CBFB: variants seen among roughly 807,000 people sequenced by gnomAD.
CBFB encodes the protein core-binding factor subunit beta, also known as CBF-beta.
A neutral mutation model predicts 30.4 loss-of-function variants in CBFB; 9 were observed. The observed-to-expected ratio is 0.30, with a 90% CI of 0.18 to 0.52. The LOEUF is 0.52. CBFB is among the 20% of genes least tolerant of loss of function. The pLI, the probability that CBFB is intolerant of heterozygous loss-of-function variation, is 0.97. For missense variants in CBFB, 170 were observed against 244.0 expected (o/e 0.70, Z 2.02); for synonymous variants, 94 against 84.0 (o/e 1.12, Z -0.65).
At chr16:67,034,487 A>G (rs929890145) in intron 2 of CBFB, among the ~76,000 whole-genome samples, 8 of 152,170 alleles carry the variant, frequency 5.3e-5, no homozygotes, top group Non-Finnish European at 1.0e-4. Flanking sequence ...ACTCTTACCT[A>G]TATGTAGGTA....
At chr16:67,036,972 C>T (rs1966449935) in intron 3 of CBFB, among the ~76,000 whole-genome samples, 2 of 151,840 alleles carry the variant, frequency 1.3e-5, no homozygotes, top group African/African-American at 4.8e-5. Context: ...GATGTTGGTT[C>T]ACTGCAATCT....
rs1962193063 is a variant in CBFB at position 67,100,621 on chromosome 16, T to C, written c.*1843T>C. On this transcript the variant is annotated 3_prime_UTR_variant, in exon 6 of 6. Transcript: ENST00000412916. The stretch of plus-strand genomic sequence containing the variant: ...CTTTATTACAGAGCTCCTTGGTTTT[T>C]TACTTCTGCACTTAAATTTTTTTAA... 1 of 223,726 alleles carries C rather than the reference T, an allele frequency of 4.5e-6. No individual in the cohort carries two copies. The highest frequency in any genetic ancestry group is 2.2e-5 in the African/African-American group (1 of 44,798). The allele number at this position is 223,726 out of a possible 1,614,324, so 13.9% of individuals were successfully genotyped here. A position where few individuals can be genotyped will look rare whatever the true frequency, so the allele number is the denominator to read the frequency against.
intron 3 of CBFB, among the ~76,000 whole-genome samples, chr16:67,060,363 C>T (rs576813163): frequency 7.9e-5 from 12 of 152,198 alleles, no homozygotes; most frequent in African/African-American, 2.4e-4. Flanking sequence ...TTAGTACATT[C>T]GGAGTTCTGC....
intron 5 of CBFB, among the ~76,000 whole-genome samples, chr16:67,095,540 C>G (rs947667530): frequency 6.6e-6 from 1 of 152,004 alleles, no homozygotes. Context: ...AATGGAGTTG[C>G]AGTTATCTAA....
chr16:67,064,886 T>G (rs956849012), intron 3 of CBFB, among the ~76,000 whole-genome samples: 4 of 152,080 alleles, frequency 2.6e-5, no homozygotes, highest in Admixed American at 6.6e-5. Flanking sequence ...AAACAGAAGT[T>G]TTCTTTTTTT....
rs36017652 is a variant in CBFB at position 67,082,129 on chromosome 16, GAAAAAA to G, written c.400-73_400-68del. ...CCACTGCGCCCGGCCACTGTTTCAG[GAAAAAA>G]AAAAAAAAAACAAAACCCAAATATT... On this transcript the variant is annotated intron_variant, in intron 4 of 5. Transcript: ENST00000412916. 3 of 864,586 alleles carry G rather than the reference GAAAAAA, an allele frequency of 3.5e-6. No individual in the cohort carries two copies. The East Asian group carries it at 1.0e-4, about 29-fold the overall frequency. The allele number at this position is 864,586 out of a possible 1,614,324, so 53.6% of individuals were successfully genotyped here.
chr16:67,048,366 A>G (rs988883671), intron 3 of CBFB, among the ~76,000 whole-genome samples: 10 of 152,240 alleles, frequency 6.6e-5, no homozygotes, highest in Admixed American at 5.9e-4. Flanking sequence ...GAAAAAAAGA[A>G]AATTCAGGCA....
chr16:67,029,887 C>A (rs1597117319), intron 2 of CBFB, 74 bp downstream of exon 2: 4 of 966,134 alleles, frequency 4.1e-6, no homozygotes, highest in Non-Finnish European at 5.7e-6. Context: ...CGGTTCCGGA[C>A]GGCGGCGCGG....
intron 5 of CBFB, among the ~76,000 whole-genome samples, chr16:67,097,810 GT>G (rs565625386): frequency 4.6e-5 from 7 of 152,240 alleles, no homozygotes; most frequent in Non-Finnish European, 8.8e-5. Context: ...CATAGTTCTA[GT>G]TACTTGGGAG....
chr16:67,098,532 TA>T (rs1400254969), intron 5 of CBFB, among the ~76,000 whole-genome samples, 177 bp from the exon 6 acceptor site: 1 of 152,190 alleles, frequency 6.6e-6, no homozygotes, highest in Non-Finnish European at 1.5e-5. Context: ...GAAACTTTAG[TA>T]AAATATGTCA....
chr16:67,058,729 T>G (rs1462934325), intron 3 of CBFB, among the ~76,000 whole-genome samples: 1 of 152,230 alleles, frequency 6.6e-6, no homozygotes, highest in Non-Finnish European at 1.5e-5. Flanking sequence ...ATTTAAATAT[T>G]TACTGAGAAC....
chr16:67,057,258 C>T (rs751470484), intron 3 of CBFB, among the ~76,000 whole-genome samples: 3 of 152,234 alleles, frequency 2.0e-5, no homozygotes, highest in Non-Finnish European at 4.4e-5. Flanking sequence ...ACATGGATTA[C>T]AGGCGTGAGC....
Position 67,036,734 on chromosome 16 carries a change from C to G in CBFB, c.261C>G (p.Asp87Glu). ...AAACACCTAGCCGAGAGTATGTCGA[C>G]TTAGAAAGAGAAGCAGGCAAGGTAG... ...QRQTPSREYV[D>E]LEREAGKVYL... Residue 87 changes from aspartate (D) to glutamate (E), a missense_variant, in exon 3 of 6, where the codon GAC becomes GAG. Coordinates refer to ENST00000412916, the MANE Select transcript of CBFB (RefSeq NM_022845.3). 6.2e-7 allele frequency: 1 copy of G among 1,609,712 alleles called. No individual in the cohort carries two copies. Among genetic ancestry groups the G allele is most frequent in the Non-Finnish European group, 8.5e-7 (1 of 1,176,138 alleles).
intron 4 of CBFB, among the ~76,000 whole-genome samples, chr16:67,073,979 A>C (rs1411961646): frequency 1.3e-5 from 2 of 151,998 alleles, no homozygotes; most frequent in Admixed American, 6.6e-5. Context: ...CAGTGAGCCA[A>C]GATGGTGCCA....
chr16:67,057,340 T>G (rs1237617410), intron 3 of CBFB, among the ~76,000 whole-genome samples: 6 of 152,228 alleles, frequency 3.9e-5, no homozygotes, highest in Admixed American at 2.0e-4. Context: ...TTCAGCTCAT[T>G]ATCATTGGGC....
rs1048402727 is a variant in CBFB, at chr16:67,034,509, G to T, written c.166-2130G>T. The stretch of plus-strand genomic sequence containing the variant: ...CCTATATGTAGGTATTTCATTAAAA[G>T]AATTCCATGGTCACATAAGTTTGGA... On this transcript the variant is annotated intron_variant, in intron 2 of 5. Coordinates refer to ENST00000412916, the MANE Select transcript of CBFB (RefSeq NM_022845.3). Among the ~76,000 whole-genome samples, 4 of 152,300 alleles carry T rather than the reference G, an allele frequency of 2.6e-5. No homozygotes were observed. In the East Asian group the frequency reaches 5.8e-4, roughly 22 times the overall value.
intron 3 of CBFB, among the ~76,000 whole-genome samples, chr16:67,038,372 GTGTA>G (rs1966477921): frequency 6.6e-6 from 1 of 151,470 alleles, no homozygotes; most frequent in South Asian, 2.1e-4. Flanking sequence ...ACGTATATGT[GTGTA>G]TGTATATACA....
intron 5 of CBFB, among the ~76,000 whole-genome samples, chr16:67,096,198 G>C (rs1302479207): frequency 6.6e-6 from 1 of 151,906 alleles, no homozygotes; most frequent in Non-Finnish European, 1.5e-5. Flanking sequence ...TGTTCTCCCA[G>C]CTGCTTGGGA....
intron 5 of CBFB, 165 bp downstream of exon 5, chr16:67,082,473 TAAAGA>T: frequency 1.5e-6 from 1 of 676,322 alleles, no homozygotes; most frequent in Non-Finnish European, 2.3e-6. Context: ...GTAATTGCTA[TAAAGA>T]AATTTATTTT....
Sources: gnomAD v4.1 joint callset for allele counts (sites outside exome capture counted in the v4.1 genomes callset) on GRCh38, gnomAD v4.1.1 for gene constraint, MANE v1.5 for transcripts, NCBI Gene and HGNC (gene_info 2026-07-23, HGNC 2026-07-21) for gene names.